The following GAD1 variants were observed in gnomAD, a reference collection of about 807,000 sequenced individuals.
GAD1 encodes glutamate decarboxylase 1, also known as 67 kDa glutamic acid decarboxylase.
Under a neutral mutation model 75.2 loss-of-function variants are expected in GAD1, and 35 were observed. The ratio of observed to expected loss-of-function variants is 0.47; its 90% CI spans 0.36 to 0.62. The LOEUF is 0.62. Among genes scored for constraint, GAD1 ranks in the 20% least tolerant of loss-of-function variants. The probability of loss-of-function intolerance (pLI) is 0.00; values close to 1 mark genes in which losing one functional copy is unlikely to be tolerated. For synonymous variants in GAD1, 257 were observed against 271.9 expected, an observed-to-expected ratio of 0.95 and a Z score of 0.54; for missense variants, 490 against 758.5, an observed-to-expected ratio of 0.65 and a Z score of 4.16.
chr2:170,846,173 C>A, intron 10 of GAD1, 110 bp downstream of exon 10: 1 of 950,390 alleles, frequency 1.1e-6, no homozygotes, highest in Non-Finnish European at 1.7e-6. Flanking sequence ...TTCTAAAATT[C>A]TATTCTTCAA....
intron 6 of GAD1, 191 bp from the exon 7 acceptor site, chr2:170,843,854 T>A: frequency 1.7e-6 from 1 of 588,132 alleles, no homozygotes; most frequent in Admixed American, 2.7e-5. Flanking sequence ...CCTCTCTCAG[T>A]AACCCAGGCT....
rs1702797661 is a variant in GAD1, at chr2:170,853,876, A to G, written c.1267A>G (p.Ile423Val). ...CCCATCTTAATTTCCATGATAGGGT[A>G]TACTCCAAGGATGCAACCAGATGTG... is the stretch of plus-strand genomic sequence containing the variant. ...CSAILVKEKG[I>V]LQGCNQMCAG... The change falls in exon 14 of 17, where the codon ATA becomes GTA. Residue 423 changes from isoleucine to valine, a missense_variant. By Grantham distance (29) the Ile-to-Val change is conservative (BLOSUM62 3). Around this residue, in one of 3 missense-constraint regions of GAD1, gnomAD observed 324 missense variants for 523.9 expected, o/e 0.62. Transcript: ENST00000358196. This position sits in a 1 kb window ranked among gnomAD's most constrained non-coding sequence, Gnocchi z 4.1. 6.2e-7 allele frequency: 1 copy of G among 1,614,174 alleles called. No individual in the cohort carries two copies. The highest frequency in any genetic ancestry group is 8.5e-7 in the Non-Finnish European group (1 of 1,180,022).
chr2:170,821,464 C>T (rs1226457102), intron 2 of GAD1, among the ~76,000 whole-genome samples: 1 of 152,128 alleles, frequency 6.6e-6, no homozygotes, highest in Non-Finnish European at 1.5e-5. Context: ...GGGATGAGGA[C>T]CTGAGGCGCA....
chr2:170,839,613 C>CAAA (rs201762496), intron 6 of GAD1, among the ~76,000 whole-genome samples: 1 of 101,844 alleles, frequency 9.8e-6, no homozygotes, highest in African/African-American at 3.7e-5. Flanking sequence ...GACTCCATCT[C>CAAA]AAAAAAAAAA....
At position 170,818,811 on chromosome 2, in the gene GAD1, C is replaced by A. The variant is rs765603581; in HGVS notation, c.82+138C>A. Reference sequence around the variant, plus strand: ...CTGGGAAATAAATGGGGCTCTGACCCCGTCCCTGCCAGAGGTCATTCGGCT... The same window carrying A: ...CTGGGAAATAAATGGGGCTCTGACCACGTCCCTGCCAGAGGTCATTCGGCT... On this transcript the variant is annotated intron_variant, in intron 2 of 16. Coordinates refer to ENST00000358196, the MANE Select transcript of GAD1 (RefSeq NM_000817.3). The surrounding 1 kb of genome is among the most constrained non-coding windows in gnomAD (Gnocchi z 5.9). 6.0e-6 allele frequency: 5 copies of A among 838,574 alleles called. No individual in the cohort carries two copies. The highest frequency in any genetic ancestry group is 1.0e-5 in the Non-Finnish European group (5 of 499,730). 51.9% of individuals were successfully genotyped at this position (838,574 alleles called of 1,614,324 possible).
intron 6 of GAD1, 66 bp downstream of exon 6, chr2:170,836,949 T>C: frequency 1.9e-6 from 2 of 1,077,642 alleles, no homozygotes; most frequent in Non-Finnish European, 2.9e-6. Flanking sequence ...CTTTAAAAGT[T>C]CAGTCCCAGT....
chr2:170,842,333 T>G (rs1432297501), intron 6 of GAD1, among the ~76,000 whole-genome samples: 1 of 152,226 alleles, frequency 6.6e-6, no homozygotes, highest in Admixed American at 6.5e-5. Flanking sequence ...ATTTGTTCCT[T>G]GCCTTACCCC....
intron 3 of GAD1, among the ~76,000 whole-genome samples, chr2:170,828,124 C>T (rs1160516162): frequency 2.1e-4 from 30 of 142,244 alleles, no homozygotes; most frequent in African/African-American, 6.7e-4. Context: ...CTGCTGTCCT[C>T]ACCCTCCTCC....
At chr2:170,832,742 C>T (rs1188355548) in intron 5 of GAD1, among the ~76,000 whole-genome samples, 2 of 152,086 alleles carry the variant, frequency 1.3e-5, no homozygotes, top group Non-Finnish European at 2.9e-5. Context: ...GAACTTAGGA[C>T]ACTCTGAGTC....
At chr2:170,820,276 A>G (rs960900008) in intron 2 of GAD1, among the ~76,000 whole-genome samples, 3 of 152,094 alleles carry the variant, frequency 2.0e-5, no homozygotes, top group African/African-American at 7.2e-5. Context: ...ATGCCAAGTC[A>G]CCGGTAGGAG....
At chr2:170,828,554 T>TCCCTCTGCTGTCCTC (rs1702107931) in intron 3 of GAD1, among the ~76,000 whole-genome samples, 2 of 133,652 alleles carry the variant, frequency 1.5e-5, no homozygotes, top group African/African-American at 5.7e-5. Context: ...CTCACCCTCC[T>TCCCTCTGCTGTCCTC]ACCTCTGCTG....
At chr2:170,854,105 C>A in intron 14 of GAD1, 83 bp downstream of exon 14, 3 of 1,388,296 alleles carry the variant, frequency 2.2e-6, no homozygotes, top group Non-Finnish European at 3.1e-6. Context: ...AGATATATCA[C>A]AGATAATTCA....
chr2:170,848,496 C>CAAAAAAAA (rs368907107), intron 11 of GAD1, among the ~76,000 whole-genome samples: 1 of 64,084 alleles, frequency 1.6e-5, no homozygotes, highest in African/African-American at 5.5e-5. Flanking sequence ...AACTCTGTCT[C>CAAAAAAAA]AAAAAAAAAA....
At chr2:170,826,162 A>T (rs1361185864) in intron 3 of GAD1, among the ~76,000 whole-genome samples, 2 of 152,250 alleles carry the variant, frequency 1.3e-5, no homozygotes, top group African/African-American at 4.8e-5. Context: ...AACATAAATT[A>T]TAATGCAGTG....
At chr2:170,842,701 G>A in intron 6 of GAD1, 1 of 1,610,826 alleles carries the variant, frequency 6.2e-7, no homozygotes, top group Non-Finnish European at 8.5e-7. Flanking sequence ...AAATTTCCAG[G>A]GGCCTCCCAA....
At chr2:170,844,931 T>C (rs1702599518) in intron 7 of GAD1, among the ~76,000 whole-genome samples, 1 of 152,222 alleles carries the variant, frequency 6.6e-6, no homozygotes, top group African/African-American at 2.4e-5. Context: ...CATACATAGT[T>C]ATGTCAGTTC....
At chr2:170,839,482 C>T (rs777766532) in intron 6 of GAD1, among the ~76,000 whole-genome samples, 15 of 152,026 alleles carry the variant, frequency 9.9e-5, no homozygotes, top group Non-Finnish European at 2.1e-4. Context: ...GGTGTGGTGG[C>T]GGGTGCCTGT....
In GAD1 at chr2:170,840,642, A is replaced by AGGT. The variant is rs777684181; in HGVS notation, c.639-3403_639-3402insGGT. On this transcript the variant is annotated intron_variant, in intron 6 of 16. Transcript: ENST00000358196. ...GAGGGAGGAAGGGAGGAAGGGAGGA[A>AGGT]AGGAGGGAGGTAGGGAAGGGAGGGA... Among the ~76,000 whole-genome samples the AGGT allele has an allele frequency of 7.7e-4, 79 of 102,222 alleles. 1 individual carries two copies. Among genetic ancestry groups the AGGT allele is most frequent in the Admixed American group, 3.6e-3 (33 of 9,078 alleles). 67.1% of individuals were successfully genotyped at this position (102,222 alleles called of 152,430 possible). A position where few individuals can be genotyped will look rare whatever the true frequency, so the allele number is the denominator to read the frequency against.
intron 1 of GAD1, chr2:170,817,386 G>A (rs1701733944): frequency 6.6e-6 from 1 of 152,288 alleles, no homozygotes; most frequent in Non-Finnish European, 1.5e-5. Flanking sequence ...GGGCGCCTGG[G>A]CAGCAGCAGC....
Sources: allele counts gnomAD v4.1 joint callset (sites outside exome capture counted in the v4.1 genomes callset), GRCh38; gene constraint gnomAD v4.1.1; regional missense constraint gnomAD v4.1.1; non-coding constraint Gnocchi (gnomAD v3.1); transcripts MANE v1.5; gene names NCBI Gene and HGNC (gene_info 2026-07-23, HGNC 2026-07-21).